The following SGCZ variants were observed in gnomAD, a reference collection of about 807,000 sequenced individuals.
SGCZ encodes sarcoglycan zeta.
In SGCZ, 40 loss-of-function variants were observed where a neutral mutation model predicts 41.3. The observed-to-expected ratio is 0.97, with a 90% CI of 0.75 to 1.26. The LOEUF (loss-of-function observed/expected upper bound fraction) is 1.26. Ranked by LOEUF, SGCZ falls within the 50% of genes most tolerant of loss-of-function variation. The probability of loss-of-function intolerance (pLI) is 0.00; values close to 1 mark genes in which losing one functional copy is unlikely to be tolerated. For missense variants in SGCZ, 552 were observed against 369.8 expected (o/e 1.49, Z -4.04); for synonymous variants, 206 against 137.5 (o/e 1.50, Z -3.49).
chr8:14,396,556 C>T (rs983476691), intron 2 of SGCZ, among the ~76,000 whole-genome samples: 1 of 151,910 alleles, frequency 6.6e-6, no homozygotes, highest in African/African-American at 2.4e-5. Flanking sequence ...TAAACTTTCT[C>T]TTTACTAGGG....
intron 1 of SGCZ, among the ~76,000 whole-genome samples, chr8:14,682,591 C>T (rs1298818607): frequency 6.6e-6 from 1 of 151,934 alleles, no homozygotes; most frequent in Non-Finnish European, 1.5e-5. Context: ...CCCACCACCA[C>T]GCCCGGCTAA....
At chr8:14,568,923 G>T (rs1283978465) in intron 1 of SGCZ, among the ~76,000 whole-genome samples, 1 of 152,086 alleles carries the variant, frequency 6.6e-6, no homozygotes, top group Non-Finnish European at 1.5e-5. Flanking sequence ...GGGCATGGTG[G>T]GAGGAAGTGA....
chr8:15,153,655 A>T (rs541531838), intron 1 of SGCZ, among the ~76,000 whole-genome samples: 1 of 152,148 alleles, frequency 6.6e-6, no homozygotes, highest in South Asian at 2.1e-4. Flanking sequence ...AGGCTATGGC[A>T]CTTTCCCCCC....
At chr8:14,798,172 T>A (rs1411943918) in intron 1 of SGCZ, among the ~76,000 whole-genome samples, 1 of 152,170 alleles carries the variant, frequency 6.6e-6, no homozygotes, top group East Asian at 1.9e-4. Flanking sequence ...TTAGAAAATG[T>A]TATTATGTAC....
chr8:14,643,067 G>T (rs1399103383), intron 1 of SGCZ, among the ~76,000 whole-genome samples: 1 of 151,456 alleles, frequency 6.6e-6, no homozygotes, highest in African/African-American at 2.4e-5. Flanking sequence ...CTATACTATT[G>T]CTTTCAATGA....
intron 2 of SGCZ, among the ~76,000 whole-genome samples, chr8:14,375,821 A>C (rs1804100691): frequency 6.6e-6 from 1 of 152,202 alleles, no homozygotes. Flanking sequence ...GAAGCAGAAC[A>C]ATAAATAAAC....
chr8:14,324,745 G>C (rs991052437), intron 2 of SGCZ, among the ~76,000 whole-genome samples: 2 of 151,894 alleles, frequency 1.3e-5, no homozygotes, highest in Non-Finnish European at 2.9e-5. Flanking sequence ...TTTTTGAGAA[G>C]GATAAAACAG....
intron 2 of SGCZ, among the ~76,000 whole-genome samples, chr8:14,364,504 T>C (rs1803630990): frequency 1.3e-5 from 2 of 152,186 alleles, no homozygotes; most frequent in African/African-American, 4.8e-5. Context: ...TACATTGCCA[T>C]TCTTCCATGG....
intron 3 of SGCZ, among the ~76,000 whole-genome samples, chr8:14,286,438 A>G (rs1800632130): frequency 6.7e-6 from 1 of 148,304 alleles, no homozygotes; most frequent in African/African-American, 2.4e-5. Context: ...CTCAGCTGGG[A>G]CAAAGAAGTT....
intron 1 of SGCZ, among the ~76,000 whole-genome samples, chr8:14,797,797 G>T (rs1159232555): frequency 1.3e-5 from 2 of 152,166 alleles, no homozygotes; most frequent in Non-Finnish European, 2.9e-5. Context: ...CTAGGGATTT[G>T]GTGCCCTGCA....
At chr8:14,281,667 C>T (rs1040154506) in intron 3 of SGCZ, among the ~76,000 whole-genome samples, 2 of 151,944 alleles carry the variant, frequency 1.3e-5, no homozygotes, top group African/African-American at 4.8e-5. Context: ...TACAAATATA[C>T]ATCAAAAAGG....
At chr8:15,183,394 A>G (rs1800234808) in intron 1 of SGCZ, among the ~76,000 whole-genome samples, 1 of 152,230 alleles carries the variant, frequency 6.6e-6, no homozygotes, top group Non-Finnish European at 1.5e-5. Context: ...ACCAGATATT[A>G]GAATTTTTCA....
At chr8:14,506,756 T>C (rs1344923531) in intron 2 of SGCZ, among the ~76,000 whole-genome samples, 2 of 152,204 alleles carry the variant, frequency 1.3e-5, no homozygotes, top group Non-Finnish European at 2.9e-5. Context: ...TCTTTTTTTA[T>C]TTAAACCAAC....
chr8:14,915,076 C>A (rs1799391834), intron 1 of SGCZ, among the ~76,000 whole-genome samples: 1 of 152,224 alleles, frequency 6.6e-6, no homozygotes, highest in African/African-American at 2.4e-5. Context: ...TCTTTCATAA[C>A]TCTCATACTG....
At chr8:14,711,275 A>C (rs943991151) in intron 1 of SGCZ, among the ~76,000 whole-genome samples, 1 of 151,990 alleles carries the variant, frequency 6.6e-6, no homozygotes, top group African/African-American at 2.4e-5. Flanking sequence ...TTTCAACACA[A>C]ACTTTTATTC....
chr8:15,237,705 T>C lies in SGCZ; in HGVS notation c.-82A>G, dbSNP rs181175727. On this transcript the variant is annotated 5_prime_UTR_variant, in exon 1 of 8. Transcript: ENST00000382080. ...TAGTCTTTTAGTTTCCAGCTTAAAC[T>C]CAGCTTTATCCTCCTCCAAGCCCCG... is the stretch of plus-strand genomic sequence containing the variant. 436 of 1,482,704 alleles carry C rather than the reference T, an allele frequency of 2.9e-4. 2 individuals carry two copies. The East Asian group carries it at 8.1e-3, about 27-fold the overall frequency. 91.8% of individuals were successfully genotyped at this position (1,482,704 alleles called of 1,614,324 possible).
chr8:14,265,704 C>T (rs143158143), intron 3 of SGCZ, among the ~76,000 whole-genome samples: 30 of 150,580 alleles, frequency 2.0e-4, no homozygotes, highest in African/African-American at 7.3e-4. Context: ...GCAAACTCAA[C>T]ATGGTCCAAG....
At chr8:14,219,042 C>G (rs1269776234) in intron 4 of SGCZ, among the ~76,000 whole-genome samples, 1 of 152,194 alleles carries the variant, frequency 6.6e-6, no homozygotes, top group Admixed American at 6.5e-5. Flanking sequence ...GTGGGTGCCT[C>G]ATGTGCTCAG....
At chr8:14,331,753 T>C (rs924620365) in intron 2 of SGCZ, among the ~76,000 whole-genome samples, 1 of 151,932 alleles carries the variant, frequency 6.6e-6, no homozygotes, top group African/African-American at 2.4e-5. Flanking sequence ...AAGAAAGTTT[T>C]TAATATACTT....
Sources: gnomAD v4.1 joint callset for allele counts (sites outside exome capture counted in the v4.1 genomes callset) on GRCh38, gnomAD v4.1.1 for gene constraint, MANE v1.5 for transcripts, NCBI Gene and HGNC (gene_info 2026-07-23, HGNC 2026-07-21) for gene names.